The following NOTCH1 variants were observed in gnomAD, a reference collection of about 807,000 sequenced individuals.
NOTCH1 encodes the protein neurogenic locus notch homolog protein 1.
In NOTCH1, 37 loss-of-function variants were observed where a neutral mutation model predicts 254.8. The ratio of observed to expected loss-of-function variants is 0.15; its 90% CI spans 0.11 to 0.19. NOTCH1 has a LOEUF of 0.19. Among genes scored for constraint, NOTCH1 ranks in the 10% least tolerant of loss-of-function variants. The pLI, the probability that NOTCH1 is intolerant of heterozygous loss-of-function variation, is 1.00. For missense variants in NOTCH1, 2,972 were observed against 3,708.6 expected (o/e 0.80, Z 5.16); for synonymous variants, 1,731 against 1,618.1 (o/e 1.07, Z -1.68).
intron 15 of NOTCH1, 103 bp from the exon 16 acceptor site, chr9:136,511,374 G>A: frequency 7.0e-7 from 1 of 1,437,442 alleles, no homozygotes. Flanking sequence ...GCCGTCTGCT[G>A]GTCCCGCCGG....
In NOTCH1 at chr9:136,516,004, G is replaced by C. The variant is rs1843262534; in HGVS notation, c.1646C>G (p.Thr549Ser). 1.8e-5 allele frequency: 29 copies of C among 1,611,638 alleles called. No homozygotes were observed. In the South Asian group the frequency reaches 2.3e-4, roughly 13 times the overall value. The part of the protein sequence containing the change: ...NGAKCLDGPN[T>S]YTCVCTEGYT... Reference sequence around the variant, plus strand: ...ACCTTCCGTGCACACACAGGTGTAAGTGTTGGGTCCGTCCAGGCACTTGGC... The same window carrying C: ...ACCTTCCGTGCACACACAGGTGTAACTGTTGGGTCCGTCCAGGCACTTGGC... The change falls in exon 10 of 34, where the codon ACT (threonine) becomes AGT (serine). Residue 549 changes from threonine to serine, a missense_variant. Around this residue, in one of 8 missense-constraint regions of NOTCH1, gnomAD observed 128 missense variants for 193.8 expected, o/e 0.66. Transcript: ENST00000651671.
rs1426366565 is a variant in NOTCH1, at chr9:136,544,116, G to C, written c.62-14C>G. 12 of 1,561,038 alleles carry C rather than the reference G, an allele frequency of 7.7e-6. No individual in the cohort carries two copies. The highest frequency in any genetic ancestry group is 1.0e-5 in the Non-Finnish European group (12 of 1,153,592). ...AGCATCGCGGGCCTAGGCAGGGGCA[G>C]GAGAAGAGAGGTCAGTCTCACCCGC... On this transcript the variant is annotated splice_polypyrimidine_tract_variant and intron_variant, in intron 1 of 33. Coordinates refer to ENST00000651671, the MANE Select transcript of NOTCH1 (RefSeq NM_017617.5).
chr9:136,504,445 C>T (rs1843044992), intron 26 of NOTCH1, among the ~76,000 whole-genome samples: 1 of 152,238 alleles, frequency 6.6e-6, no homozygotes, highest in South Asian at 2.1e-4. Context: ...GGCAGTGGCC[C>T]AGGAAAAGGG....
At chr9:136,516,729 C>T (rs1589067277) in intron 9 of NOTCH1, among the ~76,000 whole-genome samples, 1 of 152,208 alleles carries the variant, frequency 6.6e-6, no homozygotes, top group African/African-American at 2.4e-5. Flanking sequence ...TCTCTCCAGG[C>T]AGAAGGGGCT....
At chr9:136,512,354 C>A (rs1361787761) in intron 15 of NOTCH1, among the ~76,000 whole-genome samples, 2 of 152,178 alleles carry the variant, frequency 1.3e-5, no homozygotes, top group African/African-American at 4.8e-5. Flanking sequence ...GACCAGGCCC[C>A]GTGGCAGCAC....
chr9:136,510,037 A>G, intron 17 of NOTCH1, 76 bp from the exon 18 acceptor site: 3 of 1,395,178 alleles, frequency 2.2e-6, no homozygotes, highest in East Asian at 2.3e-5. Context: ...GGAAGGCTGC[A>G]TGGCTGGGGA....
In NOTCH1 at chr9:136,506,644, G is replaced by C. The variant is rs1370033409; in HGVS notation, c.3902-5C>G. The C allele has an allele frequency of 6.2e-7, 1 of 1,604,130 alleles. No individual in the cohort carries two copies. The highest frequency in any genetic ancestry group is 8.5e-7 in the Non-Finnish European group (1 of 1,176,160). Reference sequence around the variant, plus strand: ...TGACGGACTCGCAGCGGCGCCCTAGGGGTAAGAGCAGGGCAGTGAGAGGCT... The same window carrying C: ...TGACGGACTCGCAGCGGCGCCCTAGCGGTAAGAGCAGGGCAGTGAGAGGCT... On this transcript the variant is annotated splice_region_variant and splice_polypyrimidine_tract_variant and intron_variant, in intron 23 of 33. Coordinates refer to ENST00000651671, the MANE Select transcript of NOTCH1 (RefSeq NM_017617.5). The surrounding 1 kb of genome is among the most constrained non-coding windows in gnomAD (Gnocchi z 4.5).
At chr9:136,538,506 C>T (rs1843687354) in intron 2 of NOTCH1, among the ~76,000 whole-genome samples, 2 of 152,242 alleles carry the variant, frequency 1.3e-5, no homozygotes, top group South Asian at 4.1e-4. Context: ...CCGGGCCCCA[C>T]AGGAGAAAGC....
Position 136,518,700 on chromosome 9 carries a change from C to G in NOTCH1, c.990G>C (p.Glu330Asp). 6.2e-7 allele frequency: 1 copy of G among 1,612,846 alleles called. No individual in the cohort carries two copies. Among genetic ancestry groups the G allele is most frequent in the Non-Finnish European group, 8.5e-7 (1 of 1,180,004 alleles). The change falls in exon 6 of 34, where the codon GAG becomes GAC. Residue 330 changes from glutamate (E) to aspartate (D), a missense_variant. Physicochemically the swap from Glu to Asp is conservative, Grantham distance 45 (BLOSUM62 2). This residue lies in a region of NOTCH1 where 374 missense variants were observed against 496.3 expected (regional missense o/e 0.75). Coordinates refer to ENST00000651671, the MANE Select transcript of NOTCH1 (RefSeq NM_017617.5). The part of the protein sequence containing the change: ...NCVCVNGWTG[E>D]DCSENIDDCA... ...AGTCATCAATGTTCTCGCTGCAGTC[C>G]TCACCAGTCCAGCCGTTGACACACA... is the stretch of plus-strand genomic sequence containing the variant.
chr9:136,543,777 C>A, intron 2 of NOTCH1: 1 of 607,290 alleles, frequency 1.6e-6, no homozygotes, highest in East Asian at 2.8e-5. Context: ...TTAGTGACCC[C>A]GGAGCCTGAG....
intron 19 of NOTCH1, 42 bp downstream of exon 19, chr9:136,508,828 C>A: frequency 6.6e-7 from 1 of 1,516,934 alleles, no homozygotes; most frequent in South Asian, 1.2e-5. Context: ...GGCACCCACC[C>A]AGGGCCCCTC....
At position 136,513,043 on chromosome 9, in the gene NOTCH1, G is replaced by A. The variant is rs986946716; in HGVS notation, c.2445C>T (p.Cys815=). The A allele has an allele frequency of 5.9e-6, 8 of 1,358,952 alleles. No homozygotes were observed. The highest frequency in any genetic ancestry group is 3.0e-5 in the African/African-American group (2 of 66,036). The allele number at this position is 1,358,952 out of a possible 1,614,324, so 84.2% of individuals were successfully genotyped here. ...CACCTGTGTAGGGCAGCAGGCAGTT[G>A]CACTTGTACCCGGCAACGTCGTCAA... ...TCIDDVAGYK[C]NCLLPYTGAT... The change falls in exon 15 of 34, where the codon TGC becomes TGT. Residue 815 remains cysteine (C), a synonymous_variant. Transcript: ENST00000651671. This position sits in a 1 kb window ranked among gnomAD's most constrained non-coding sequence, Gnocchi z 4.7.
At chr9:136,507,572 C>G (rs1843108949) in intron 21 of NOTCH1, 135 bp from the exon 22 acceptor site, 1 of 1,261,718 alleles carries the variant, frequency 7.9e-7, no homozygotes, top group South Asian at 1.3e-5. Flanking sequence ...CCCCTCGCTC[C>G]TGTCAGACCT....
chr9:136,518,964 C>T, intron 5 of NOTCH1, 140 bp from the exon 6 acceptor site: 3 of 722,094 alleles, frequency 4.2e-6, no homozygotes, highest in Non-Finnish European at 7.4e-6. Flanking sequence ...GCCTAAATCA[C>T]TCCTTCCTCT....
rs141695813 is a variant in NOTCH1 at position 136,503,616 on chromosome 9, C to T, written c.5019-286G>A. ...CTCTGGCTCCTGCTGGTGCCACAGA[C>T]ACGTTTCCTCATCTCAGGACAGAGT... On this transcript the variant is annotated intron_variant, in intron 26 of 33. Coordinates refer to ENST00000651671, the MANE Select transcript of NOTCH1 (RefSeq NM_017617.5). Among the ~76,000 whole-genome samples, 2,360 of 152,344 alleles carry T rather than the reference C, an allele frequency of 0.015. 44 individuals are homozygous for T. Among genetic ancestry groups the T allele is most frequent in the Middle Eastern group, 0.054 (16 of 294 alleles).
intron 2 of NOTCH1, among the ~76,000 whole-genome samples, chr9:136,541,522 G>A (rs528532624): frequency 2.0e-5 from 3 of 152,212 alleles, no homozygotes; most frequent in Non-Finnish European, 4.4e-5. Flanking sequence ...CTGCACCCCA[G>A]ACTCTTTCGA....
chr9:136,524,639 CTTTTTTT>C (rs869128901), intron 2 of NOTCH1, among the ~76,000 whole-genome samples: 11 of 54,412 alleles, frequency 2.0e-4, no homozygotes, highest in Admixed American at 4.7e-4. Flanking sequence ...TTTTTCTTTT[CTTTTTTT>C]TTTTTTTTTT....
At position 136,515,342 on chromosome 9, in the gene NOTCH1, G is replaced by A. The variant is rs61751554; in HGVS notation, c.1962C>T (p.Thr654=). 5.7e-4 allele frequency: 916 copies of A among 1,612,982 alleles called. No individual in the cohort carries two copies. The highest frequency in any genetic ancestry group is 4.7e-4 in the Non-Finnish European group (552 of 1,180,012). ...CGTAGCCATCGATCTTGTCCAGACA[G>A]GTGCCCGAGTCGCAGGGGCTGCTGG... ...DCASSPCDSG[T]CLDKIDGYEC... is the part of the protein sequence containing the mutation. Residue 654 remains threonine, a synonymous_variant, in exon 12 of 34, where the codon ACC becomes ACT. Transcript: ENST00000651671.
chr9:136,510,098 G>C, intron 17 of NOTCH1, 137 bp from the exon 18 acceptor site: 1 of 810,538 alleles, frequency 1.2e-6, no homozygotes. Context: ...TGTGACAAAG[G>C]TGTCTGGTGG....
Sources: gnomAD v4.1 joint callset for allele counts (sites outside exome capture counted in the v4.1 genomes callset) on GRCh38, gnomAD v4.1.1 for gene constraint, gnomAD v4.1.1 regional missense constraint, Gnocchi (gnomAD v3.1) non-coding constraint, MANE v1.5 for transcripts, NCBI Gene and HGNC (gene_info 2026-07-23, HGNC 2026-07-21) for gene names.